LINGO2: variants seen among roughly 807,000 people sequenced by gnomAD.
LINGO2 encodes leucine-rich repeat and immunoglobulin-like domain-containing nogo receptor-interacting protein 2.
A neutral mutation model predicts 30.6 loss-of-function variants in LINGO2; 14 were observed. The ratio of observed to expected loss-of-function variants is 0.46; its 90% CI spans 0.30 to 0.72. The LOEUF (loss-of-function observed/expected upper bound fraction) is 0.72, where lower values mean the gene tolerates loss of function less well. Ranked by LOEUF, LINGO2 falls within the 30% of genes least tolerant of loss-of-function variation. The pLI is 0.07. For synonymous variants in LINGO2, 317 were observed against 288.5 expected (o/e 1.10, Z -1.00); for missense variants, 729 against 751.7 (o/e 0.97, Z 0.35).
At chr9:28,410,501 T>C (rs778138741) in intron 2 of LINGO2, among the ~76,000 whole-genome samples, 10 of 152,162 alleles carry the variant, frequency 6.6e-5, no homozygotes, top group Non-Finnish European at 1.3e-4. Context: ...AGAACAATCA[T>C]ACAACAAAAC....
At chr9:28,992,666 C>T in the LINGO2 span, among the ~76,000 whole-genome samples, 1 of 152,104 alleles carries the variant, frequency 6.6e-6, no homozygotes. Context: ...CAAACTTTCT[C>T]TCAGACCACA....
intron 4 of LINGO2, among the ~76,000 whole-genome samples, chr9:28,093,723 G>A (rs758809455): frequency 6.6e-6 from 1 of 151,988 alleles, no homozygotes; most frequent in Non-Finnish European, 1.5e-5. Flanking sequence ...CTTGCCATTA[G>A]AGTGTCTTTC....
the LINGO2 span, among the ~76,000 whole-genome samples, chr9:29,101,363 G>A: frequency 6.6e-6 from 1 of 152,146 alleles, no homozygotes; most frequent in Non-Finnish European, 1.5e-5. Context: ...TATGGAAAGA[G>A]ATTCATAACA....
chr9:28,325,568 T>C (rs757859752), intron 3 of LINGO2, among the ~76,000 whole-genome samples: 65 of 152,246 alleles, frequency 4.3e-4, no homozygotes, highest in Admixed American at 1.0e-3. Flanking sequence ...ACTGTTCTTG[T>C]GGAAGTGAAT....
intron 4 of LINGO2, among the ~76,000 whole-genome samples, chr9:28,074,637 G>A (rs956867022): frequency 3.9e-5 from 6 of 152,028 alleles, no homozygotes; most frequent in African/African-American, 1.4e-4. Flanking sequence ...TCATCTCAAT[G>A]GACAGATGAA....
At chr9:29,022,548 G>A in the LINGO2 span, among the ~76,000 whole-genome samples, 2 of 152,110 alleles carry the variant, frequency 1.3e-5, no homozygotes, top group African/African-American at 2.4e-5. Flanking sequence ...ACTTTATGTG[G>A]GTCTTACGGT....
intron 1 of LINGO2, among the ~76,000 whole-genome samples, chr9:28,618,369 C>CT (rs1235360106): frequency 6.6e-6 from 1 of 152,144 alleles, no homozygotes; most frequent in African/African-American, 2.4e-5. Flanking sequence ...TTCTCTCTCT[C>CT]TCCTTTTCTT....
chr9:28,771,504 T>TGAGA, the LINGO2 span, among the ~76,000 whole-genome samples: 3 of 74,410 alleles, frequency 4.0e-5, no homozygotes, highest in African/African-American at 1.4e-4. Flanking sequence ...TGTGTGTGTG[T>TGAGA]GTGAGAGAGA....
At chr9:28,140,290 G>A (rs371858272) in intron 4 of LINGO2, among the ~76,000 whole-genome samples, 1 of 152,184 alleles carries the variant, frequency 6.6e-6, no homozygotes, top group Non-Finnish European at 1.5e-5. Context: ...CCGTAAAATG[G>A]TAAGTTTAAT....
intron 4 of LINGO2, among the ~76,000 whole-genome samples, chr9:28,247,458 A>G (rs919312044): frequency 2.0e-5 from 3 of 152,194 alleles, no homozygotes; most frequent in Admixed American, 6.5e-5. Flanking sequence ...AGAGACATGG[A>G]TGAAGCTGGA....
chr9:28,367,413 G>C (rs1238413230), intron 3 of LINGO2, among the ~76,000 whole-genome samples: 1 of 152,044 alleles, frequency 6.6e-6, no homozygotes, highest in South Asian at 2.1e-4. Context: ...CTGTTGAACT[G>C]GCTGTTCTCT....
chr9:28,995,845 G>T, the LINGO2 span, among the ~76,000 whole-genome samples: 1 of 151,034 alleles, frequency 6.6e-6, no homozygotes, highest in Non-Finnish European at 1.5e-5. Context: ...ACAGGAAGGG[G>T]AACATCACAC....
At chr9:28,738,807 C>A in the LINGO2 span, among the ~76,000 whole-genome samples, 1 of 151,750 alleles carries the variant, frequency 6.6e-6, no homozygotes, top group Admixed American at 6.6e-5. Context: ...CAATACAGTC[C>A]AGTAGAGTCC....
the LINGO2 span, among the ~76,000 whole-genome samples, chr9:29,158,133 G>A: frequency 1.3e-5 from 2 of 151,040 alleles, no homozygotes; most frequent in South Asian, 2.1e-4. Flanking sequence ...GTTTAAGCTC[G>A]AGTTCAAGAC....
At chr9:27,964,489 A>T (rs1162146826) in intron 5 of LINGO2, among the ~76,000 whole-genome samples, 1 of 152,100 alleles carries the variant, frequency 6.6e-6, no homozygotes, top group Non-Finnish European at 1.5e-5. Flanking sequence ...ATCTGTATAA[A>T]AATTAGCTGA....
chr9:28,430,878 A>C (rs1386155278), intron 2 of LINGO2, among the ~76,000 whole-genome samples: 2 of 152,102 alleles, frequency 1.3e-5, no homozygotes, highest in Non-Finnish European at 2.9e-5. Flanking sequence ...ATGGGGACTA[A>C]AGAATCTGCT....
Position 28,021,790 on chromosome 9 carries a change from A to C in LINGO2, c.-86-9385T>G, listed in dbSNP as rs559158286. On this transcript the variant is annotated intron_variant, in intron 4 of 5. Transcript: ENST00000379992. ...TGAAGTCAGTTTCGTTTAATACACT[A>C]CTTCTGTTTCTTTTGATTAGTAGGA... 5.0e-3 allele frequency among the ~76,000 whole-genome samples: 757 copies of C among 152,184 alleles called. 7 individuals carry two copies. Among genetic ancestry groups the C allele is most frequent in the Non-Finnish European group, 7.9e-3 (539 of 67,960 alleles).
At chr9:28,261,060 T>C (rs912079607) in intron 4 of LINGO2, among the ~76,000 whole-genome samples, 5 of 151,978 alleles carry the variant, frequency 3.3e-5, no homozygotes, top group African/African-American at 1.2e-4. Flanking sequence ...TATTCCTTAA[T>C]TGCCATTATT....
At chr9:28,481,799 G>A (rs1324461169) in intron 1 of LINGO2, among the ~76,000 whole-genome samples, 2 of 133,792 alleles carry the variant, frequency 1.5e-5, no homozygotes, top group Non-Finnish European at 3.1e-5. Flanking sequence ...ACAGTCCCCA[G>A]AGTGTGATGT....
Sources: allele counts gnomAD v4.1 joint callset (sites outside exome capture counted in the v4.1 genomes callset), GRCh38; gene constraint gnomAD v4.1.1; transcripts MANE v1.5; gene names NCBI Gene and HGNC (gene_info 2026-07-23, HGNC 2026-07-21).